Variants in TPD52L1 observed in about 807,000 individuals in gnomAD.
The protein encoded by TPD52L1 is tumor protein D53.
TPD52L1 carries 18 observed loss-of-function variants against 28.7 expected under a neutral mutation model. That is an observed-to-expected ratio of 0.63 (90% CI 0.43 to 0.93). TPD52L1 has a LOEUF of 0.93. TPD52L1 is among the 40% of genes least tolerant of loss of function. TPD52L1 has a pLI of 0.00. For synonymous variants in TPD52L1, 75 were observed against 88.8 expected, an observed-to-expected ratio of 0.84 and a Z score of 0.88; for missense variants, 203 against 254.8, an observed-to-expected ratio of 0.80 and a Z score of 1.39.
chr6:125,228,957 G>A (rs1369864038), intron 2 of TPD52L1, 161 bp from the exon 3 acceptor site: 3 of 494,278 alleles, frequency 6.1e-6, no homozygotes, highest in Non-Finnish European at 1.0e-5. Flanking sequence ...TCTACTTTGA[G>A]ATATTAGACT....
intron 2 of TPD52L1, among the ~76,000 whole-genome samples, chr6:125,225,857 G>A (rs1172425682): frequency 6.6e-6 from 1 of 152,058 alleles, no homozygotes; most frequent in Non-Finnish European, 1.5e-5. Flanking sequence ...TGAACTCTCA[G>A]GGCATTAAAA....
intron 1 of TPD52L1, among the ~76,000 whole-genome samples, chr6:125,193,152 A>G (rs1426653207): frequency 2.6e-5 from 4 of 152,216 alleles, no homozygotes; most frequent in Admixed American, 6.5e-5. Context: ...TGCTAGGACT[A>G]GATTCAGGCC....
chr6:125,154,670 T>C (rs1164700898), intron 1 of TPD52L1: 3 of 288,374 alleles, frequency 1.0e-5, no homozygotes, highest in Non-Finnish European at 1.6e-5. Flanking sequence ...GCCTCATATC[T>C]TGGGGTCACA....
chr6:125,195,944 T>C, intron 1 of TPD52L1, among the ~76,000 whole-genome samples: 1 of 152,224 alleles, frequency 6.6e-6, no homozygotes, highest in East Asian at 1.9e-4. Context: ...GCAGAGGCCC[T>C]GTCTGCTCTG....
chr6:125,209,871 T>A (rs1248033702), intron 1 of TPD52L1, among the ~76,000 whole-genome samples: 1 of 152,192 alleles, frequency 6.6e-6, no homozygotes, highest in Admixed American at 6.5e-5. Context: ...GGAAGCCAGA[T>A]TGGGGCAACA....
intron 1 of TPD52L1, among the ~76,000 whole-genome samples, chr6:125,165,092 A>ATATATATATATATTTATTTATT: frequency 1.9e-5 from 2 of 104,192 alleles, no homozygotes; most frequent in African/African-American, 6.1e-5. Context: ...AAAGATATAT[A>ATATATATATATATTTATTTATT]TATATATTTT....
At chr6:125,193,213 G>C (rs553272817) in intron 1 of TPD52L1, among the ~76,000 whole-genome samples, 5 of 152,156 alleles carry the variant, frequency 3.3e-5, no homozygotes, top group African/African-American at 9.7e-5. Flanking sequence ...TTTCAAGTTG[G>C]GGGGATGGAG....
At chr6:125,254,609 T>C (rs1040497029) in intron 5 of TPD52L1, among the ~76,000 whole-genome samples, 8 of 152,118 alleles carry the variant, frequency 5.3e-5, no homozygotes, top group African/African-American at 1.9e-4. Flanking sequence ...TCTACCTGCT[T>C]TATATTGATG....
In TPD52L1 at chr6:125,192,195, T is replaced by C. The variant is rs557068268; in HGVS notation, c.20-27883T>C. On this transcript the variant is annotated intron_variant, in intron 1 of 6. Transcript: ENST00000534000. ...AGGACACTAGACATTTAACTGTAGG[T>C]TTATGATTGTCACCCACTCTGCTTT... Among the ~76,000 whole-genome samples, 114 of 152,290 alleles carry C rather than the reference T, an allele frequency of 7.5e-4. 1 individual carries two copies. The highest frequency in any genetic ancestry group is 2.6e-3 in the African/African-American group (106 of 41,560).
At chr6:125,206,709 A>G (rs572664041) in intron 1 of TPD52L1, among the ~76,000 whole-genome samples, 4 of 152,334 alleles carry the variant, frequency 2.6e-5, no homozygotes, top group South Asian at 2.1e-4. Flanking sequence ...GCCAGAAGCA[A>G]TGGAGAATCC....
At chr6:125,259,105 T>C (rs1383571359) in intron 6 of TPD52L1, among the ~76,000 whole-genome samples, 1 of 152,246 alleles carries the variant, frequency 6.6e-6, no homozygotes, top group East Asian at 1.9e-4. Context: ...ATGTCTATAT[T>C]GTTCATTAGT....
At chr6:125,163,222 C>T (rs376590685) in intron 1 of TPD52L1, among the ~76,000 whole-genome samples, 10 of 152,270 alleles carry the variant, frequency 6.6e-5, no homozygotes, top group African/African-American at 2.4e-4. Context: ...AGAGCTAATT[C>T]ACATTGAGGG....
intron 1 of TPD52L1, among the ~76,000 whole-genome samples, chr6:125,202,016 C>T (rs943869518): frequency 1.2e-4 from 19 of 152,172 alleles, no homozygotes; most frequent in African/African-American, 4.3e-4. Context: ...ACTGTCTATA[C>T]GTCTGACCAA....
intron 1 of TPD52L1, among the ~76,000 whole-genome samples, chr6:125,216,713 A>T (rs375215589): frequency 6.6e-6 from 1 of 151,932 alleles, no homozygotes; most frequent in South Asian, 2.1e-4. Context: ...GATATTACTT[A>T]TGAAAAAGGA....
rs1562214780 is a variant in TPD52L1 at position 125,172,544 on chromosome 6, A to AC, written c.19+18574_19+18575insC. On this transcript the variant is annotated intron_variant, in intron 1 of 6. Coordinates refer to ENST00000534000, the MANE Select transcript of TPD52L1 (RefSeq NM_003287.4). The stretch of plus-strand genomic sequence containing the variant: ...TATATATATATATATATATATATAT[A>AC]TATATATAATATATATACTATATGG... Among the ~76,000 whole-genome samples, 110 of 97,168 alleles carry AC rather than the reference A, an allele frequency of 1.1e-3. 2 individuals are homozygous for AC. Among genetic ancestry groups the AC allele is most frequent in the African/African-American group, 4.6e-3 (104 of 22,376 alleles). 63.7% of individuals were successfully genotyped at this position (97,168 alleles called of 152,430 possible). A position where few individuals can be genotyped will look rare whatever the true frequency, so the allele number is the denominator to read the frequency against.
intron 1 of TPD52L1, among the ~76,000 whole-genome samples, chr6:125,172,379 C>G (rs1325208009): frequency 7.1e-6 from 1 of 141,372 alleles, no homozygotes; most frequent in African/African-American, 2.6e-5. Context: ...TGTTAAACTT[C>G]TGGCCTCATA....
intron 6 of TPD52L1, chr6:125,261,758 C>T (rs558139629): frequency 1.8e-4 from 28 of 151,880 alleles, no homozygotes; most frequent in Non-Finnish European, 4.0e-4. Context: ...AAATACTTAG[C>T]CTTATTTTTA....
intron 3 of TPD52L1, among the ~76,000 whole-genome samples, chr6:125,230,384 C>T (rs1334730335): frequency 6.6e-6 from 1 of 152,082 alleles, no homozygotes; most frequent in Non-Finnish European, 1.5e-5. Flanking sequence ...CTAGCCGTAA[C>T]TTTAGTCCCA....
chr6:125,154,412 A>G (rs543283), intron 1 of TPD52L1: 434,508 of 990,906 alleles, frequency 0.44, 98,590 homozygotes, highest in African/African-American at 0.73. Context: ...AGGGAGTGAG[A>G]GGATCGCCCG....
Sources: allele counts gnomAD v4.1 joint callset (sites outside exome capture counted in the v4.1 genomes callset), GRCh38; gene constraint gnomAD v4.1.1; transcripts MANE v1.5; gene names NCBI Gene and HGNC (gene_info 2026-07-23, HGNC 2026-07-21).